The following PYROXD1 variants were observed in gnomAD, a reference collection of about 807,000 sequenced individuals.
The protein encoded by PYROXD1 is pyridine nucleotide-disulphide oxidoreductase domain 1.
Under a neutral mutation model 62.0 loss-of-function variants are expected in PYROXD1, and 42 were observed. That is an observed-to-expected ratio of 0.68 (90% confidence interval 0.53 to 0.88). The LOEUF (loss-of-function observed/expected upper bound fraction) is 0.88. Among genes scored for constraint, PYROXD1 ranks in the 40% least tolerant of loss-of-function variants. PYROXD1 has a pLI of 0.00. For missense variants in PYROXD1, 493 were observed against 604.8 expected (o/e 0.82, Z 1.94); for synonymous variants, 170 against 206.4 (o/e 0.82, Z 1.51).
chr12:21,450,444 CAT>C (rs1942474606), intron 4 of PYROXD1, among the ~76,000 whole-genome samples: 1 of 152,114 alleles, frequency 6.6e-6, no homozygotes, highest in Non-Finnish European at 1.5e-5. Context: ...ATGATAGAAT[CAT>C]AGAACAGAAA....
intron 6 of PYROXD1, among the ~76,000 whole-genome samples, chr12:21,455,574 T>TA (rs1481127099): frequency 6.6e-6 from 1 of 151,444 alleles, no homozygotes; most frequent in Non-Finnish European, 1.5e-5. Flanking sequence ...AGAAGTTTTG[T>TA]AAAAAATGCA....
intron 11 of PYROXD1, 133 bp from the exon 12 acceptor site, chr12:21,468,373 C>A: frequency 1.3e-6 from 1 of 757,498 alleles, no homozygotes; most frequent in Non-Finnish European, 2.2e-6. Flanking sequence ...TGGGACTCTC[C>A]CCAATAACAT....
At chr12:21,461,704 A>AT (rs1942700947) in intron 8 of PYROXD1, among the ~76,000 whole-genome samples, 1 of 152,204 alleles carries the variant, frequency 6.6e-6, no homozygotes, top group Non-Finnish European at 1.5e-5. Flanking sequence ...ATTACAAAAG[A>AT]TTTTTAGAGA....
intron 2 of PYROXD1, 67 bp downstream of exon 2, chr12:21,440,515 G>C: frequency 1.2e-6 from 1 of 829,604 alleles, no homozygotes; most frequent in Non-Finnish European, 2.0e-6. Context: ...ATAGCAGTTA[G>C]GGTAATTGTG....
In PYROXD1 at chr12:21,461,139, G is replaced by C. The variant is rs1414837732; in HGVS notation, c.865G>C (p.Val289Leu). The change falls in exon 8 of 12, where the codon GTT (valine) becomes CTT (leucine). Residue 289 changes from valine to leucine, a missense_variant. Val to Leu is a conservative substitution (Grantham distance 32, BLOSUM62 1). Transcript: ENST00000240651. ...CACTTTTCCAAGAGACCATAAGTCA[G>C]TTACAGCTGATACAGGCAAGTAATG... is the stretch of plus-strand genomic sequence containing the variant. ...SFTFPRDHKS[V>L]TADTEMWPVY... 11 of 1,548,772 alleles carry C rather than the reference G, an allele frequency of 7.1e-6. No homozygotes were observed. Among genetic ancestry groups the C allele is most frequent in the Non-Finnish European group, 9.6e-6 (11 of 1,150,212 alleles).
At chr12:21,467,259 T>C in intron 10 of PYROXD1, 1 of 422,770 alleles carries the variant, frequency 2.4e-6, no homozygotes, top group Non-Finnish European at 4.2e-6. Context: ...CTAAAACAGG[T>C]GTGATTGGTA....
At chr12:21,456,631 G>A (rs1942602313) in intron 7 of PYROXD1, among the ~76,000 whole-genome samples, 1 of 152,172 alleles carries the variant, frequency 6.6e-6, no homozygotes, top group Non-Finnish European at 1.5e-5. Flanking sequence ...ATTGGTGGCT[G>A]ATGACTCATC....
At chr12:21,446,932 T>C (rs117520340) in intron 3 of PYROXD1, among the ~76,000 whole-genome samples, 4,878 of 152,190 alleles carry the variant, frequency 0.032, 112 homozygotes, top group Middle Eastern at 0.068. Flanking sequence ...ATAATAATAA[T>C]TTTTAAAAAA....
chr12:21,437,867 G>A, intron 1 of PYROXD1, 53 bp downstream of exon 1: 1 of 1,489,344 alleles, frequency 6.7e-7, no homozygotes, highest in East Asian at 2.3e-5. Context: ...AAAGGGGATA[G>A]CACTGGAGGC....
At chr12:21,465,602 C>T (rs1942778244) in intron 10 of PYROXD1, among the ~76,000 whole-genome samples, 1 of 151,352 alleles carries the variant, frequency 6.6e-6, no homozygotes, top group South Asian at 2.1e-4. Flanking sequence ...AAAATTTTCT[C>T]CCATTCTGTA....
At chr12:21,457,388 G>T (rs1360343703) in intron 7 of PYROXD1, among the ~76,000 whole-genome samples, 1 of 151,908 alleles carries the variant, frequency 6.6e-6, no homozygotes, top group Non-Finnish European at 1.5e-5. Flanking sequence ...TGAGTTCTTG[G>T]GTGACCAAAT....
At chr12:21,456,750 A>G (rs55861860) in intron 7 of PYROXD1, 39,204 of 359,096 alleles carry the variant, frequency 0.11, 2,416 homozygotes, top group Middle Eastern at 0.19. Flanking sequence ...GTAGCGTGCG[A>G]AGCTGTTTTA....
chr12:21,446,973 T>A (rs1486995116), intron 3 of PYROXD1, among the ~76,000 whole-genome samples: 1 of 152,166 alleles, frequency 6.6e-6, no homozygotes, highest in African/African-American at 2.4e-5. Context: ...AGGTCTGAAC[T>A]GAGACAGGGA....
intron 2 of PYROXD1, among the ~76,000 whole-genome samples, chr12:21,441,605 TC>T (rs1326310763): frequency 6.6e-6 from 1 of 152,212 alleles, no homozygotes; most frequent in Non-Finnish European, 1.5e-5. Flanking sequence ...GCATCTTTCA[TC>T]GTCAGAATTT....
rs149061297 is a variant in PYROXD1, at chr12:21,442,156, C to T, written c.165+1708C>T. On this transcript the variant is annotated intron_variant, in intron 2 of 11. Coordinates refer to ENST00000240651, the MANE Select transcript of PYROXD1 (RefSeq NM_024854.5). Reference sequence around the variant, plus strand: ...GGATCCCTGTTGGCACTGAGTCTGCCTTCTGGGTTCAGTGGCAGCAGCGCT... The same window carrying T: ...GGATCCCTGTTGGCACTGAGTCTGCTTTCTGGGTTCAGTGGCAGCAGCGCT... 2.5e-3 allele frequency among the ~76,000 whole-genome samples: 375 copies of T among 152,310 alleles called. 1 individual carries two copies. The highest frequency in any genetic ancestry group is 8.8e-3 in the African/African-American group (367 of 41,570).
rs776400641 is a variant in PYROXD1, at chr12:21,470,275, G to C, written c.*1521G>C. 3 of 1,605,320 alleles carry C rather than the reference G, an allele frequency of 1.9e-6. No homozygotes were observed. Among genetic ancestry groups the C allele is most frequent in the African/African-American group, 1.4e-5 (1 of 73,364 alleles). ...GAAGCATGTTTGCAGCCTTCTTCTGGAAGTTGCCTGAATTTTTTTCCTCCA... is the reference window on the plus strand; with the variant it reads ...GAAGCATGTTTGCAGCCTTCTTCTGCAAGTTGCCTGAATTTTTTTCCTCCA... On this transcript the variant is annotated 3_prime_UTR_variant, in exon 12 of 12. Coordinates refer to ENST00000240651, the MANE Select transcript of PYROXD1 (RefSeq NM_024854.5).
At chr12:21,459,217 G>A (rs1042955485) in intron 7 of PYROXD1, among the ~76,000 whole-genome samples, 1 of 152,096 alleles carries the variant, frequency 6.6e-6, no homozygotes, top group African/African-American at 2.4e-5. Flanking sequence ...AGGGAAAGAG[G>A]TTGAAGGTTA....
chr12:21,461,391 A>C lies in PYROXD1; in HGVS notation c.880+237A>C, dbSNP rs547217175. Among the ~76,000 whole-genome samples the C allele has an allele frequency of 3.9e-5, 6 of 152,334 alleles. No individual in the cohort carries two copies. In the East Asian group the frequency reaches 1.2e-3, roughly 29 times the overall value. ...TTACATAGAGCTGAGTGTTTTGACC[A>C]ACAATCAGAATATATTATAAATCAA... On this transcript the variant is annotated intron_variant, in intron 8 of 11. Transcript: ENST00000240651.
chr12:21,461,390 C>T (rs949372421), intron 8 of PYROXD1, among the ~76,000 whole-genome samples: 1 of 152,002 alleles, frequency 6.6e-6, no homozygotes, highest in African/African-American at 2.4e-5. Flanking sequence ...GTGTTTTGAC[C>T]AACAATCAGA....
Sources: allele counts gnomAD v4.1 joint callset (sites outside exome capture counted in the v4.1 genomes callset), GRCh38; gene constraint gnomAD v4.1.1; transcripts MANE v1.5; gene names NCBI Gene and HGNC (gene_info 2026-07-23, HGNC 2026-07-21).